The following ZNF506 variants were observed in gnomAD, a reference collection of about 807,000 sequenced individuals.
ZNF506 encodes zinc finger protein 506.
A neutral mutation model predicts 11.6 loss-of-function variants in ZNF506; 10 were observed. The ratio of observed to expected loss-of-function variants is 0.86; its 90% CI spans 0.53 to 1.46. ZNF506 has a LOEUF of 1.46. Among genes scored for constraint, ZNF506 ranks in the 40% most tolerant of loss-of-function variants. ZNF506 has a pLI of 0.00. For synonymous variants in ZNF506, 156 were observed against 173.3 expected (o/e 0.90, Z 0.78); for missense variants, 425 against 521.2 (o/e 0.82, Z 1.80).
Position 19,794,402 on chromosome 19 carries a change from G to A in ZNF506, c.*150C>T. ...GTCCAGTATAAATTATGTGTAATAAGGGTTGAGAACTTCCTTAAAAAGCTT... is the reference window on the plus strand; with the variant it reads ...GTCCAGTATAAATTATGTGTAATAAAGGTTGAGAACTTCCTTAAAAAGCTT... On this transcript the variant is annotated 3_prime_UTR_variant, in exon 4 of 4. Coordinates refer to ENST00000540806, the MANE Select transcript of ZNF506 (RefSeq NM_001099269.3). 1.4e-6 allele frequency: 1 copy of A among 737,892 alleles called. No individual in the cohort carries two copies. Among genetic ancestry groups the A allele is most frequent in the Non-Finnish European group, 2.2e-6 (1 of 464,056 alleles). The allele number at this position is 737,892 out of a possible 1,614,324, so 45.7% of individuals were successfully genotyped here.
chr19:19,816,492 G>A (rs2062932495), intron 1 of ZNF506, among the ~76,000 whole-genome samples: 1 of 152,106 alleles, frequency 6.6e-6, no homozygotes, highest in Admixed American at 6.6e-5. Flanking sequence ...CCAGTAGCTG[G>A]GACTACAGGC....
intron 1 of ZNF506, among the ~76,000 whole-genome samples, chr19:19,808,049 TAACTC>T (rs1433426274): frequency 7.2e-6 from 1 of 138,676 alleles, no homozygotes; most frequent in East Asian, 2.1e-4. Flanking sequence ...ATAATAAAAA[TAACTC>T]TATAGTGAAA....
chr19:19,795,198 T>C lies in ZNF506; in HGVS notation c.689A>G (p.Lys230Arg), dbSNP rs766681567. 6.2e-7 allele frequency: 1 copy of C among 1,613,822 alleles called. No homozygotes were observed. The highest frequency in any genetic ancestry group is 1.1e-5 in the South Asian group (1 of 91,074). Residue 230 changes from lysine (K) to arginine (R), a missense_variant, in exon 4 of 4, where the codon AAA becomes AGA. Physicochemically the swap from Lys to Arg is conservative, Grantham distance 26 (BLOSUM62 2). Coordinates refer to ENST00000540806, the MANE Select transcript of ZNF506 (RefSeq NM_001099269.3). ...KKIHTGEKPY[K>R]CEECGKAYKQ... ...ATAGGCTTTGCCACATTCTTCACAT[T>C]TGTAGGGTTTCTCTCCAGTATGAAT...
chr19:19,792,983 T>C lies in ZNF506; in HGVS notation c.*1569A>G, dbSNP rs1048590210. ...TATTCTTTTATAGAAAAGGTCATAA[T>C]ACCCAATAAAAAAGAATCTGTAATA... On this transcript the variant is annotated 3_prime_UTR_variant, in exon 4 of 4. Transcript: ENST00000540806. Among the ~76,000 whole-genome samples, 2 of 152,204 alleles carry C rather than the reference T, an allele frequency of 1.3e-5. No individual in the cohort carries two copies. The highest frequency in any genetic ancestry group is 4.8e-5 in the African/African-American group (2 of 41,456).
chr19:19,794,851 AT>A lies in ZNF506; in HGVS notation c.1035del (p.Glu345AspfsTer40). ...GAGTACCAGGTAAAGGTTTTGCCAC[AT>A]TCGTCACATTTGTAGGGTACATCTC... Reference protein sequence around the residue: ...HTGDVPYKCDECGKTFTWYSS... With the variant: ...HTGDVPYKCDXCGKTFTWYSS... On this transcript the variant is annotated frameshift_variant, in exon 4 of 4. Transcript: ENST00000540806. LOFTEE classifies it low-confidence loss of function (END_TRUNC). 5.0e-6 allele frequency: 8 copies of A among 1,613,800 alleles called. No individual in the cohort carries two copies. Among genetic ancestry groups the A allele is most frequent in the Non-Finnish European group, 6.8e-6 (8 of 1,179,966 alleles).
chr19:19,794,985 G>A lies in ZNF506; in HGVS notation c.902C>T (p.Thr301Ile). ...TCCAGTATGAATTATCTCATGTTTA[G>A]TAAGGGTTGAGGATGAAATAAAGGC... The part of the protein sequence containing the change: ...GKAFISSSTL[T>I]KHEIIHTGEK... Residue 301 changes from threonine to isoleucine, a missense_variant, in exon 4 of 4, where the codon ACT (threonine) becomes ATT (isoleucine). By Grantham distance (89) the Thr-to-Ile change is moderately conservative (BLOSUM62 -1). This residue lies in a region of ZNF506 where 192 missense variants were observed against 215.7 expected (regional missense o/e 0.89). Coordinates refer to ENST00000540806, the MANE Select transcript of ZNF506 (RefSeq NM_001099269.3). 6.2e-7 allele frequency: 1 copy of A among 1,613,680 alleles called. No homozygotes were observed. The highest frequency in any genetic ancestry group is 8.5e-7 in the Non-Finnish European group (1 of 1,179,946).
intron 3 of ZNF506, among the ~76,000 whole-genome samples, chr19:19,804,484 G>A (rs949179458): frequency 2.0e-5 from 3 of 152,208 alleles, no homozygotes; most frequent in East Asian, 1.9e-4. Flanking sequence ...CACTGTTGGC[G>A]GGAGTGTAAA....
chr19:19,806,065 AG>A lies in ZNF506; in HGVS notation c.191del (p.Thr64IlefsTer2), dbSNP rs2062833520. The A allele has an allele frequency of 1.2e-6, 2 of 1,609,768 alleles. No homozygotes were observed. The highest frequency in any genetic ancestry group is 1.7e-6 in the Non-Finnish European group (2 of 1,178,722). ...TCLEQGKKPL[T>X]MKRHEMIAKP... ...TGGCAATCATCTCATGCCTCTTCAT[AG>A]TTAAAGGTTTTTTTCCTTGCTCCAG... On this transcript the variant is annotated frameshift_variant, in exon 3 of 4. Transcript: ENST00000540806. LOFTEE classifies it low-confidence loss of function (END_TRUNC).
intron 3 of ZNF506, chr19:19,799,374 AT>A (rs2062771718): frequency 3.4e-6 from 2 of 590,248 alleles, no homozygotes; most frequent in Admixed American, 3.2e-5. Flanking sequence ...TAATGAAGGT[AT>A]AGAGAACACT....
chr19:19,793,321 A>G lies in ZNF506; in HGVS notation c.*1231T>C, dbSNP rs922287494. On this transcript the variant is annotated 3_prime_UTR_variant, in exon 4 of 4. Transcript: ENST00000540806. ...TTACGTAAAATCAATTTTGAATTAA[A>G]TATTTTTTTCATATTTACATCTGCA... Among the ~76,000 whole-genome samples, 6 of 152,188 alleles carry G rather than the reference A, an allele frequency of 3.9e-5. No homozygotes were observed. The highest frequency in any genetic ancestry group is 1.4e-4 in the African/African-American group (6 of 41,444).
intron 3 of ZNF506, among the ~76,000 whole-genome samples, chr19:19,799,652 T>C (rs1046172698): frequency 6.6e-6 from 1 of 152,162 alleles, no homozygotes; most frequent in Non-Finnish European, 1.5e-5. Flanking sequence ...CTCATGCCTG[T>C]TACCCCAGCA....
chr19:19,799,827 C>G (rs1454441848), intron 3 of ZNF506, among the ~76,000 whole-genome samples: 5 of 149,196 alleles, frequency 3.4e-5, no homozygotes, highest in Non-Finnish European at 5.9e-5. Flanking sequence ...AACAGCAAAT[C>G]CAAAACTATA....
chr19:19,795,288 C>T lies in ZNF506; in HGVS notation c.599G>A (p.Arg200His), dbSNP rs369665225. 3.1e-6 allele frequency: 5 copies of T among 1,613,758 alleles called. No individual in the cohort carries two copies. Among genetic ancestry groups the T allele is most frequent in the South Asian group, 2.2e-5 (2 of 91,032 alleles). ...TYKKIDAGEK[R>H]YKCEECGKAY... Reference sequence around the variant, plus strand: ...TTTACCACATTCTTCACATTTATAGCGTTTCTCTCCAGCATCAATTTTCTT... The same window carrying T: ...TTTACCACATTCTTCACATTTATAGTGTTTCTCTCCAGCATCAATTTTCTT... The change falls in exon 4 of 4, where the codon CGC becomes CAC. Residue 200 changes from arginine to histidine, a missense_variant. By Grantham distance (29) the Arg-to-His change is conservative (BLOSUM62 0). Around this residue, in one of 3 missense-constraint regions of ZNF506, gnomAD observed 226 missense variants for 279.1 expected, o/e 0.81. Coordinates refer to ENST00000540806, the MANE Select transcript of ZNF506 (RefSeq NM_001099269.3).
At chr19:19,795,824 C>A in intron 3 of ZNF506, 164 bp from the exon 4 acceptor site, 2 of 698,594 alleles carry the variant, frequency 2.9e-6, no homozygotes, top group Non-Finnish European at 4.4e-6. Context: ...CAAAAACATA[C>A]TGACCAAAAT....
chr19:19,798,139 T>C (rs1043899533), intron 3 of ZNF506: 9 of 152,158 alleles, frequency 5.9e-5, no homozygotes, highest in Non-Finnish European at 1.2e-4. Flanking sequence ...ATGTTAATCA[T>C]AATGGTACAG....
chr19:19,803,465 C>T (rs1016783224), intron 3 of ZNF506, among the ~76,000 whole-genome samples: 6 of 152,216 alleles, frequency 3.9e-5, no homozygotes, highest in African/African-American at 4.8e-5. Flanking sequence ...CCTGATACAA[C>T]GCCCACCATA....
chr19:19,816,077 TACCTA>T (rs2062928352), intron 1 of ZNF506, among the ~76,000 whole-genome samples: 2 of 152,144 alleles, frequency 1.3e-5, no homozygotes, highest in Admixed American at 1.3e-4. Context: ...TCTCTTTTCT[TACCTA>T]TCACACAGCC....
At chr19:19,795,905 CATAGAAAA>C in intron 3 of ZNF506, 2 of 457,506 alleles carry the variant, frequency 4.4e-6, no homozygotes, top group Non-Finnish European at 8.0e-6. Flanking sequence ...CAAAGAGCCA[CATAGAAAA>C]ATAGAAAAAA....
At chr19:19,799,524 A>G in intron 3 of ZNF506, 1 of 624,764 alleles carries the variant, frequency 1.6e-6, no homozygotes, top group Non-Finnish European at 2.8e-6. Flanking sequence ...TATGACAAAA[A>G]TGGAATTAGA....
Sources: gnomAD v4.1 joint callset for allele counts (sites outside exome capture counted in the v4.1 genomes callset) on GRCh38, gnomAD v4.1.1 for gene constraint, gnomAD v4.1.1 regional missense constraint, MANE v1.5 for transcripts, NCBI Gene and HGNC (gene_info 2026-07-23, HGNC 2026-07-21) for gene names.